The following TDRD9 variants were observed in gnomAD, a reference collection of about 807,000 sequenced individuals.
The protein encoded by TDRD9 is ATP-dependent RNA helicase TDRD9.
Under a neutral mutation model 172.6 loss-of-function variants are expected in TDRD9, and 124 were observed. That is an observed-to-expected ratio of 0.72 (90% CI 0.62 to 0.83). The LOEUF (loss-of-function observed/expected upper bound fraction) is 0.83. Among genes scored for constraint, TDRD9 ranks in the 40% least tolerant of loss-of-function variants. TDRD9 has a pLI of 0.00. For synonymous variants in TDRD9, 619 were observed against 617.1 expected (o/e 1.00, Z -0.05); for missense variants, 1,479 against 1,714.1 (o/e 0.86, Z 2.42).
chr14:103,935,603 A>T (rs1181040812), intron 1 of TDRD9, among the ~76,000 whole-genome samples: 1 of 152,144 alleles, frequency 6.6e-6, no homozygotes, highest in East Asian at 1.9e-4. Flanking sequence ...GACACTGGGA[A>T]GTTTAACTTC....
At chr14:104,049,586 A>C (rs773663512) in intron 34 of TDRD9, 22 bp from the exon 35 acceptor site, 1 of 1,518,194 alleles carries the variant, frequency 6.6e-7, no homozygotes, top group South Asian at 1.2e-5. Flanking sequence ...AATTAAGATA[A>C]TTTCTTTTTT....
intron 24 of TDRD9, 88 bp downstream of exon 24, chr14:104,022,418 C>T: frequency 7.4e-7 from 1 of 1,357,422 alleles, no homozygotes; most frequent in Non-Finnish European, 1.0e-6. Flanking sequence ...TCTGGCATTG[C>T]TTCAGATCAT....
intron 3 of TDRD9, 45 bp from the exon 4 acceptor site, chr14:103,965,288 A>G (rs1390229970): frequency 6.7e-7 from 1 of 1,503,168 alleles, no homozygotes; most frequent in Non-Finnish European, 9.1e-7. Flanking sequence ...GATACTTTAC[A>G]TTGCCATTTT....
chr14:103,942,011 C>A (rs1357467014), intron 1 of TDRD9: 1 of 267,894 alleles, frequency 3.7e-6, no homozygotes, highest in East Asian at 8.6e-5. Flanking sequence ...TCTTAAGAGA[C>A]TTAAAATATT....
chr14:103,968,006 G>A (rs2032828510), intron 5 of TDRD9, among the ~76,000 whole-genome samples: 1 of 152,152 alleles, frequency 6.6e-6, no homozygotes, highest in Admixed American at 6.5e-5. Context: ...TTCATCCCTG[G>A]GTAGTTTACT....
intron 13 of TDRD9, among the ~76,000 whole-genome samples, chr14:104,003,363 A>G (rs1286472398): frequency 6.6e-6 from 1 of 152,230 alleles, no homozygotes; most frequent in Non-Finnish European, 1.5e-5. Flanking sequence ...GGGTAGATTT[A>G]GATAAAAAAT....
intron 28 of TDRD9, 48 bp from the exon 29 acceptor site, chr14:104,031,060 C>T: frequency 6.6e-7 from 1 of 1,507,892 alleles, no homozygotes; most frequent in Non-Finnish European, 8.9e-7. Context: ...GGAAGAAAGT[C>T]CTTGTAATAT....
chr14:103,939,764 T>TTTTTTTTTTTTTA (rs61621268), intron 1 of TDRD9: 6 of 133,154 alleles, frequency 4.5e-5, no homozygotes, highest in South Asian at 2.6e-4. Context: ...TTTTTTTTTT[T>TTTTTTTTTTTTTA]GAGACAAGGT....
intron 20 of TDRD9, among the ~76,000 whole-genome samples, chr14:104,010,848 C>T (rs373740696): frequency 2.0e-5 from 3 of 152,238 alleles, no homozygotes; most frequent in Admixed American, 6.5e-5. Flanking sequence ...TTGCATCCCT[C>T]GAATACTGTA....
chr14:103,940,525 C>T (rs572041136), intron 1 of TDRD9: 2 of 278,396 alleles, frequency 7.2e-6, no homozygotes, highest in Admixed American at 9.5e-5. Context: ...AGACTTCATA[C>T]TAAAGTTGCT....
intron 32 of TDRD9, among the ~76,000 whole-genome samples, chr14:104,035,807 G>A (rs969037771): frequency 6.6e-5 from 10 of 152,078 alleles, no homozygotes; most frequent in African/African-American, 2.4e-4. Flanking sequence ...AAGAGTCGGG[G>A]GCATGGAAAG....
chr14:103,941,446 C>T (rs1055401661), intron 1 of TDRD9: 14 of 1,535,338 alleles, frequency 9.1e-6, no homozygotes, highest in Non-Finnish European at 1.1e-5. Context: ...GAGCAAAGAA[C>T]TTCAAGTTGT....
rs1596042128 is a variant in TDRD9, at chr14:104,052,145, C to T, written c.*63C>T. Reference sequence around the variant, plus strand: ...AGCTGTGGAGGCTGGATTCCAGGCTCCCTCCGCAGACTGACTTTCCTCTGT... The same window carrying T: ...AGCTGTGGAGGCTGGATTCCAGGCTTCCTCCGCAGACTGACTTTCCTCTGT... On this transcript the variant is annotated 3_prime_UTR_variant, in exon 36 of 36. Coordinates refer to ENST00000409874, the MANE Select transcript of TDRD9 (RefSeq NM_153046.3). 6 of 1,196,988 alleles carry T rather than the reference C, an allele frequency of 5.0e-6. No homozygotes were observed. In the East Asian group the frequency reaches 1.3e-4, roughly 26 times the overall value. 74.1% of individuals were successfully genotyped at this position (1,196,988 alleles called of 1,614,324 possible).
intron 34 of TDRD9, among the ~76,000 whole-genome samples, chr14:104,048,400 A>G (rs2035842942): frequency 6.6e-6 from 1 of 152,100 alleles, no homozygotes; most frequent in South Asian, 2.1e-4. Flanking sequence ...GACCACGCCC[A>G]GCTCGTTTTG....
chr14:103,944,078 T>C (rs1181826902), intron 1 of TDRD9, among the ~76,000 whole-genome samples: 1 of 152,240 alleles, frequency 6.6e-6, no homozygotes, highest in Non-Finnish European at 1.5e-5. Flanking sequence ...TGTTACTGCA[T>C]AAATTTTTTT....
intron 2 of TDRD9, among the ~76,000 whole-genome samples, chr14:103,956,108 AAAAATATATAT>A (rs1344691799): frequency 5.0e-4 from 18 of 36,200 alleles, no homozygotes; most frequent in South Asian, 1.5e-3. Context: ...AAAAAAAAAA[AAAAATATATAT>A]ATATATATAT....
chr14:103,929,583 C>T (rs555870534), intron 1 of TDRD9, among the ~76,000 whole-genome samples: 30 of 151,702 alleles, frequency 2.0e-4, no homozygotes, highest in African/African-American at 6.8e-4. Context: ...GGAGTGGCGC[C>T]ATCTCGCCTC....
In TDRD9 at chr14:104,035,061, G is replaced by T; in HGVS notation, c.3716+5G>T. On this transcript the variant is annotated splice_donor_5th_base_variant and intron_variant, in intron 32 of 35. Transcript: ENST00000409874. ...CGCACCGGTGATAGAGTTAAGGTAC[G>T]GGCATCCCTCTTGTCTATAGGCTTT... 2 of 1,550,218 alleles carry T rather than the reference G, an allele frequency of 1.3e-6. No homozygotes were observed. The highest frequency in any genetic ancestry group is 2.4e-5 in the South Asian group (2 of 84,010).
chr14:103,963,769 A>C lies in TDRD9; in HGVS notation c.420+593A>C, dbSNP rs184837866. 2.5e-3 allele frequency among the ~76,000 whole-genome samples: 373 copies of C among 152,242 alleles called. 1 individual carries two copies. Among genetic ancestry groups the C allele is most frequent in the Non-Finnish European group, 3.7e-3 (253 of 68,028 alleles). ...GAAGGAGTTACAGATAAAACTAGAA[A>C]TGTTTCAAATTTAATTTTTACTTTG... On this transcript the variant is annotated intron_variant, in intron 3 of 35. Transcript: ENST00000409874.
Sources: allele counts gnomAD v4.1 joint callset (sites outside exome capture counted in the v4.1 genomes callset), GRCh38; gene constraint gnomAD v4.1.1; transcripts MANE v1.5; gene names NCBI Gene and HGNC (gene_info 2026-07-23, HGNC 2026-07-21).